DOK5: variants seen among roughly 807,000 people sequenced by gnomAD.
DOK5 encodes the protein downstream of tyrosine kinase 5.
Under a neutral mutation model 43.3 loss-of-function variants are expected in DOK5, and 27 were observed. The ratio of observed to expected loss-of-function variants is 0.62; its 90% CI spans 0.46 to 0.86. DOK5 has a LOEUF of 0.86. Ranked by LOEUF, DOK5 falls within the 40% of genes least tolerant of loss-of-function variation. DOK5 has a pLI of 0.00. For synonymous variants in DOK5, 146 were observed against 140.1 expected, an observed-to-expected ratio of 1.04 and a Z score of -0.30; for missense variants, 373 against 392.9, an observed-to-expected ratio of 0.95 and a Z score of 0.43.
chr20:54,613,186 C>T (rs1007639964), intron 6 of DOK5, among the ~76,000 whole-genome samples: 9 of 127,284 alleles, frequency 7.1e-5, no homozygotes, highest in African/African-American at 3.2e-4. Flanking sequence ...TTTACATCTG[C>T]GCCTCATCTC....
intron 6 of DOK5, among the ~76,000 whole-genome samples, chr20:54,628,898 C>A (rs887777923): frequency 2.6e-5 from 4 of 152,076 alleles, no homozygotes; most frequent in African/African-American, 9.7e-5. Context: ...TTTTTAATGT[C>A]TTTTAGAAAA....
intron 6 of DOK5, among the ~76,000 whole-genome samples, chr20:54,614,958 G>T (rs1986759639): frequency 6.6e-6 from 1 of 152,162 alleles, no homozygotes; most frequent in African/African-American, 2.4e-5. Flanking sequence ...CATAGCCCTG[G>T]CTACATTCCC....
chr20:54,552,932 A>C (rs1984578192), intron 1 of DOK5, among the ~76,000 whole-genome samples: 1 of 152,230 alleles, frequency 6.6e-6, no homozygotes, highest in East Asian at 1.9e-4. Context: ...GTACTGATAG[A>C]ATTATAAGAG....
intron 1 of DOK5, among the ~76,000 whole-genome samples, chr20:54,500,251 T>C (rs912982580): frequency 2.0e-5 from 3 of 152,172 alleles, no homozygotes; most frequent in Non-Finnish European, 2.9e-5. Flanking sequence ...AAAGCTAAAT[T>C]CCATAGTTAG....
intron 6 of DOK5, among the ~76,000 whole-genome samples, chr20:54,636,111 C>T (rs569037636): frequency 1.3e-5 from 2 of 152,270 alleles, no homozygotes; most frequent in African/African-American, 4.8e-5. Flanking sequence ...CACCTGAAAC[C>T]GCCTTTGAAA....
intron 1 of DOK5, among the ~76,000 whole-genome samples, chr20:54,516,538 C>T (rs146086422): frequency 5.9e-4 from 90 of 152,254 alleles, no homozygotes; most frequent in African/African-American, 2.1e-3. Flanking sequence ...AGTATGCTAT[C>T]ATATCTGAAC....
At chr20:54,480,715 C>T (rs546233327) in intron 1 of DOK5, among the ~76,000 whole-genome samples, 7 of 152,294 alleles carry the variant, frequency 4.6e-5, no homozygotes, top group Admixed American at 1.3e-4. Context: ...CCATTGGTGA[C>T]TTTCCATATA....
At chr20:54,492,502 G>A (rs1982221875) in intron 1 of DOK5, among the ~76,000 whole-genome samples, 1 of 152,068 alleles carries the variant, frequency 6.6e-6, no homozygotes, top group Non-Finnish European at 1.5e-5. Flanking sequence ...TAAACAATGA[G>A]GTAGTGACAT....
intron 1 of DOK5, among the ~76,000 whole-genome samples, chr20:54,546,705 T>G (rs1984361150): frequency 6.6e-6 from 1 of 152,096 alleles, no homozygotes; most frequent in African/African-American, 2.4e-5. Context: ...GGAAAACAAT[T>G]TTCACCTACT....
intron 2 of DOK5, among the ~76,000 whole-genome samples, chr20:54,575,590 G>A (rs1479437305): frequency 6.6e-6 from 1 of 152,060 alleles, no homozygotes; most frequent in Non-Finnish European, 1.5e-5. Context: ...ACAGGCACCC[G>A]CCACCATGCC....
intron 2 of DOK5, among the ~76,000 whole-genome samples, chr20:54,564,653 A>G (rs968255703): frequency 1.3e-5 from 2 of 152,216 alleles, no homozygotes; most frequent in African/African-American, 4.8e-5. Context: ...ACCATGTAGT[A>G]TGACCATGGT....
chr20:54,591,692 G>A lies in DOK5; in HGVS notation c.486G>A (p.Glu162=), dbSNP rs1356102548. The A allele has an allele frequency of 6.2e-7, 1 of 1,614,124 alleles. No homozygotes were observed. The highest frequency in any genetic ancestry group is 8.5e-7 in the Non-Finnish European group (1 of 1,179,966). Residue 162 remains glutamate (E), a synonymous_variant, in exon 5 of 8, where the codon GAG becomes GAA. Transcript: ENST00000262593. ...AATGTGCCTTGCAGATTACATATGA[G>A]TATATCTGTCTTTGGGACGTCCAGA... ...HGECALQITY[E]YICLWDVQNP... is the part of the protein sequence containing the mutation.
intron 5 of DOK5, among the ~76,000 whole-genome samples, chr20:54,603,257 G>A (rs954647208): frequency 2.6e-5 from 4 of 152,156 alleles, no homozygotes; most frequent in African/African-American, 9.7e-5. Flanking sequence ...TCATAGAAAG[G>A]GCTAGGAAAA....
chr20:54,612,343 G>C (rs1275817907), intron 6 of DOK5, among the ~76,000 whole-genome samples: 1 of 152,178 alleles, frequency 6.6e-6, no homozygotes, highest in Non-Finnish European at 1.5e-5. Flanking sequence ...GGTGGTGGAC[G>C]TGGGCATGCT....
intron 2 of DOK5, among the ~76,000 whole-genome samples, chr20:54,574,894 C>A (rs1366909570): frequency 6.6e-6 from 1 of 152,146 alleles, no homozygotes; most frequent in Admixed American, 6.6e-5. Context: ...AGGAAAATTG[C>A]TATTTTACTA....
At chr20:54,493,818 A>G (rs1012959014) in intron 1 of DOK5, among the ~76,000 whole-genome samples, 1 of 151,952 alleles carries the variant, frequency 6.6e-6, no homozygotes, top group Admixed American at 6.6e-5. Flanking sequence ...TGGCACCTGT[A>G]CTCCTAACTA....
rs796736689 is a variant in DOK5, at chr20:54,483,449, T to C, written c.66+7437T>C. 5.3e-5 allele frequency among the ~76,000 whole-genome samples: 8 copies of C among 152,296 alleles called. 1 individual carries two copies. The highest frequency in any genetic ancestry group is 1.9e-4 in the African/African-American group (8 of 41,574). On this transcript the variant is annotated intron_variant, in intron 1 of 7. Coordinates refer to ENST00000262593, the MANE Select transcript of DOK5 (RefSeq NM_018431.5). ...AGATACAATCACCATCCTCAAGGAG[T>C]TGACAATTTAATTTTTGATTTGTAT... is the stretch of plus-strand genomic sequence containing the variant.
chr20:54,640,315 T>G (rs1979047254), intron 6 of DOK5, among the ~76,000 whole-genome samples: 1 of 152,202 alleles, frequency 6.6e-6, no homozygotes, highest in African/African-American at 2.4e-5. Context: ...CTTCCAAACA[T>G]GAGTGCTAAC....
At chr20:54,603,711 G>A (rs1252182298) in intron 5 of DOK5, among the ~76,000 whole-genome samples, 1 of 152,098 alleles carries the variant, frequency 6.6e-6, no homozygotes, top group African/African-American at 2.4e-5. Context: ...ATCAGACCAC[G>A]TCAGTGTTGC....
Sources: gnomAD v4.1 joint callset for allele counts (sites outside exome capture counted in the v4.1 genomes callset) on GRCh38, gnomAD v4.1.1 for gene constraint, MANE v1.5 for transcripts, NCBI Gene and HGNC (gene_info 2026-07-23, HGNC 2026-07-21) for gene names.